Variants in ZDHHC20 observed in about 807,000 individuals in gnomAD.
The protein encoded by ZDHHC20 is zDHHC palmitoyltransferase 20.
Under a neutral mutation model 57.8 loss-of-function variants are expected in ZDHHC20, and 43 were observed. The observed-to-expected ratio is 0.74, with a 90% CI of 0.58 to 0.96. The LOEUF is 0.96. ZDHHC20 is among the 40% of genes least tolerant of loss of function. ZDHHC20 has a pLI of 0.00. For synonymous variants in ZDHHC20, 157 were observed against 153.0 expected, an observed-to-expected ratio of 1.03 and a Z score of -0.19; for missense variants, 391 against 441.1, an observed-to-expected ratio of 0.89 and a Z score of 1.02.
chr13:21,423,013 T>C (rs890234054), intron 2 of ZDHHC20, among the ~76,000 whole-genome samples: 4 of 152,198 alleles, frequency 2.6e-5, no homozygotes, highest in African/African-American at 9.7e-5. Context: ...AGTTTACAGA[T>C]GTAAACAGTG....
At chr13:21,391,598 C>T (rs1295557861) in intron 8 of ZDHHC20, 124 bp downstream of exon 8, 5 of 1,076,636 alleles carry the variant, frequency 4.6e-6, no homozygotes, top group African/African-American at 3.3e-5. Context: ...TAGGCACGTG[C>T]CACCAATTCC....
intron 7 of ZDHHC20, 45 bp from the exon 8 acceptor site, chr13:21,391,899 T>TA (rs1198057474): frequency 2.5e-6 from 4 of 1,574,126 alleles, no homozygotes; most frequent in Non-Finnish European, 3.5e-6. Context: ...CTCTAAAATA[T>TA]AACTTACAAG....
chr13:21,381,257 C>T (rs532841783), intron 11 of ZDHHC20, among the ~76,000 whole-genome samples, 177 bp downstream of exon 11: 4 of 152,218 alleles, frequency 2.6e-5, no homozygotes, highest in South Asian at 2.1e-4. Context: ...CCACCCGCCT[C>T]GGCATCCCAA....
chr13:21,458,342 G>GA (rs1442386694), intron 1 of ZDHHC20, among the ~76,000 whole-genome samples: 17 of 152,136 alleles, frequency 1.1e-4, no homozygotes, highest in Admixed American at 6.5e-5. Context: ...ATGAGTATAA[G>GA]AAATATAAGC....
Position 21,381,430 on chromosome 13 carries a change from T to C in ZDHHC20, c.1060+4A>G, listed in dbSNP as rs1438116781. On this transcript the variant is annotated splice_donor_region_variant and intron_variant, in intron 11 of 12. Transcript: ENST00000400590. The stretch of plus-strand genomic sequence containing the variant: ...AAAGCAGTGTTTCAAATGAGAACTA[T>C]TACCTGATTTGACGATGCCTTCTTC... 1.9e-6 allele frequency: 3 copies of C among 1,606,344 alleles called. No individual in the cohort carries two copies. The African/African-American group carries it at 4.0e-5, about 21-fold the overall frequency.
At chr13:21,451,566 T>A (rs1199365589) in intron 1 of ZDHHC20, among the ~76,000 whole-genome samples, 4 of 152,168 alleles carry the variant, frequency 2.6e-5, no homozygotes, top group African/African-American at 9.7e-5. Flanking sequence ...TAAATAAAAC[T>A]GTGAATATGT....
chr13:21,379,662 A>C (rs1220022457), intron 11 of ZDHHC20, among the ~76,000 whole-genome samples: 1 of 152,154 alleles, frequency 6.6e-6, no homozygotes, highest in African/African-American at 2.4e-5. Flanking sequence ...TTTAGACTGT[A>C]ATGCTAGTTA....
chr13:21,436,919 T>G (rs1882609035), intron 1 of ZDHHC20, among the ~76,000 whole-genome samples: 1 of 152,184 alleles, frequency 6.6e-6, no homozygotes, highest in African/African-American at 2.4e-5. Flanking sequence ...ACTACTCCAG[T>G]GGAGTGGCAC....
chr13:21,409,803 T>G (rs1160331536), intron 4 of ZDHHC20, among the ~76,000 whole-genome samples: 2 of 152,204 alleles, frequency 1.3e-5, no homozygotes, highest in African/African-American at 4.8e-5. Context: ...ATATCAAGGT[T>G]CTTGGCTTCC....
intron 1 of ZDHHC20, among the ~76,000 whole-genome samples, chr13:21,444,215 C>T (rs1179405446): frequency 6.6e-6 from 1 of 152,122 alleles, no homozygotes; most frequent in Non-Finnish European, 1.5e-5. Context: ...TACCTCACCT[C>T]CCTGGTTTCA....
At chr13:21,447,645 C>G (rs1475747083) in intron 1 of ZDHHC20, among the ~76,000 whole-genome samples, 1 of 137,474 alleles carries the variant, frequency 7.3e-6, no homozygotes, top group South Asian at 2.4e-4. Context: ...CCTACACCTC[C>G]CAGCCGCCTG....
At chr13:21,377,731 C>G (rs569045875) in intron 12 of ZDHHC20, 1 of 172,952 alleles carries the variant, frequency 5.8e-6, no homozygotes, top group Non-Finnish European at 1.2e-5. Flanking sequence ...CAGCCCTGCC[C>G]GCAGGCTCCA....
intron 4 of ZDHHC20, among the ~76,000 whole-genome samples, chr13:21,405,717 C>G (rs567921083): frequency 4.6e-5 from 7 of 152,324 alleles, no homozygotes; most frequent in South Asian, 2.1e-4. Context: ...CTCTCCTCCA[C>G]TATCGCTTAA....
intron 9 of ZDHHC20, among the ~76,000 whole-genome samples, chr13:21,386,213 G>A (rs544210959): frequency 3.9e-5 from 6 of 152,296 alleles, no homozygotes; most frequent in Admixed American, 2.0e-4. Context: ...AATGAACAGT[G>A]CATCAGTGAG....
chr13:21,407,839 C>G (rs1011620327), intron 4 of ZDHHC20, among the ~76,000 whole-genome samples: 1 of 152,202 alleles, frequency 6.6e-6, no homozygotes, highest in Admixed American at 6.5e-5. Context: ...CTGCATGTGG[C>G]TAGCCAGTTT....
intron 8 of ZDHHC20, among the ~76,000 whole-genome samples, chr13:21,390,706 C>A (rs548587239): frequency 9.4e-4 from 143 of 152,064 alleles, no homozygotes; most frequent in African/African-American, 3.3e-3. Flanking sequence ...TTGAGACAGG[C>A]CTGGGCAACG....
intron 1 of ZDHHC20, among the ~76,000 whole-genome samples, chr13:21,455,466 C>T (rs1884835568): frequency 6.6e-6 from 1 of 151,796 alleles, no homozygotes; most frequent in Admixed American, 6.6e-5. Context: ...AAATATCAAC[C>T]CTGGGGAAAA....
intron 1 of ZDHHC20, among the ~76,000 whole-genome samples, chr13:21,447,428 G>A (rs1004227972): frequency 6.4e-5 from 9 of 141,732 alleles, no homozygotes; most frequent in East Asian, 2.3e-4. Flanking sequence ...GAGTGCCTGC[G>A]ATTGCAGGCA....
Position 21,373,096 on chromosome 13 carries a change from C to T in ZDHHC20, c.*3600G>A, listed in dbSNP as rs1046591062. ...ATTATCTGTTTCTAACAGATTATTA[C>T]AGGCGGTCTTTATTTTGGCTGAAAT... On this transcript the variant is annotated 3_prime_UTR_variant, in exon 13 of 13. Coordinates refer to ENST00000400590, the MANE Select transcript of ZDHHC20 (RefSeq NM_001330059.2). The T allele has an allele frequency of 5.9e-5, 9 of 152,124 alleles. No homozygotes were observed. The highest frequency in any genetic ancestry group is 6.5e-5 in the Admixed American group (1 of 15,268). The allele number at this position is 152,124 out of a possible 1,614,324, so 9.4% of individuals were successfully genotyped here. A position where few individuals can be genotyped will look rare whatever the true frequency, so the allele number is the denominator to read the frequency against.
Sources: gnomAD v4.1 joint callset for allele counts (sites outside exome capture counted in the v4.1 genomes callset) on GRCh38, gnomAD v4.1.1 for gene constraint, MANE v1.5 for transcripts, NCBI Gene and HGNC (gene_info 2026-07-23, HGNC 2026-07-21) for gene names.